Variants in SYNDIG1 observed in about 807,000 individuals in gnomAD.
SYNDIG1 encodes the protein synapse differentiation-inducing gene protein 1.
Under a neutral mutation model 19.4 loss-of-function variants are expected in SYNDIG1, and 9 were observed. That is an observed-to-expected ratio of 0.46 (90% CI 0.28 to 0.81). The LOEUF (loss-of-function observed/expected upper bound fraction) is 0.81. Ranked by LOEUF, SYNDIG1 falls within the 30% of genes least tolerant of loss-of-function variation. The pLI, the probability that SYNDIG1 is intolerant of heterozygous loss-of-function variation, is 0.12. For missense variants in SYNDIG1, 311 were observed against 343.3 expected, an observed-to-expected ratio of 0.91 and a Z score of 0.74; for synonymous variants, 141 against 145.9, an observed-to-expected ratio of 0.97 and a Z score of 0.24.
intron 3 of SYNDIG1, among the ~76,000 whole-genome samples, chr20:24,593,437 G>T (rs1197064465): frequency 6.6e-6 from 1 of 151,186 alleles, no homozygotes; most frequent in Non-Finnish European, 1.5e-5. Flanking sequence ...TCTTTATCCA[G>T]TCTACCATTG....
chr20:24,594,703 G>A (rs1294595148), intron 3 of SYNDIG1, among the ~76,000 whole-genome samples: 3 of 152,064 alleles, frequency 2.0e-5, no homozygotes, highest in Non-Finnish European at 2.9e-5. Context: ...TGATTTCTTC[G>A]AGCAGCATTT....
intron 2 of SYNDIG1, among the ~76,000 whole-genome samples, chr20:24,546,174 A>G (rs1055281084): frequency 6.6e-6 from 1 of 152,226 alleles, no homozygotes; most frequent in African/African-American, 2.4e-5. Flanking sequence ...TTCTTACAGT[A>G]TAGCTATGGT....
intron 2 of SYNDIG1, among the ~76,000 whole-genome samples, chr20:24,578,438 T>C (rs1323891392): frequency 9.7e-6 from 1 of 103,270 alleles, no homozygotes; most frequent in South Asian, 3.0e-4. Flanking sequence ...CGAGACTCTG[T>C]ATCAAAAAAA....
rs564751206 is a variant in SYNDIG1 at position 24,513,345 on chromosome 20, C to A, written c.-78-29675C>A. On this transcript the variant is annotated intron_variant, in intron 1 of 3. Transcript: ENST00000376862. ...CTTCTCCAAGCTAAATGAGGAAGGT[C>A]GAACCCAATGCGAAGAAGCTAAAAA... Among the ~76,000 whole-genome samples, 8 of 152,248 alleles carry A rather than the reference C, an allele frequency of 5.3e-5. No homozygotes were observed. In the South Asian group the frequency reaches 1.7e-3, roughly 32 times the overall value.
intron 1 of SYNDIG1, among the ~76,000 whole-genome samples, chr20:24,536,131 C>T (rs982536071): frequency 1.3e-5 from 2 of 152,142 alleles, no homozygotes; most frequent in Non-Finnish European, 2.9e-5. Context: ...AGTGCAGCCG[C>T]GATGACTTGT....
At chr20:24,566,521 C>T (rs765042534) in intron 2 of SYNDIG1, among the ~76,000 whole-genome samples, 11 of 152,168 alleles carry the variant, frequency 7.2e-5, no homozygotes, top group African/African-American at 2.2e-4. Flanking sequence ...TGGTGTACAC[C>T]GTGGTCTTAA....
intron 1 of SYNDIG1, among the ~76,000 whole-genome samples, chr20:24,518,706 A>C (rs751340977): frequency 6.6e-6 from 1 of 152,200 alleles, no homozygotes; most frequent in Non-Finnish European, 1.5e-5. Context: ...TTGATTCACA[A>C]GGGCCCTAAG....
chr20:24,552,091 A>C (rs1264222018), intron 2 of SYNDIG1, among the ~76,000 whole-genome samples: 1 of 152,058 alleles, frequency 6.6e-6, no homozygotes, highest in East Asian at 1.9e-4. Context: ...GGAATTGTCT[A>C]TTTCTTTCTT....
intron 3 of SYNDIG1, among the ~76,000 whole-genome samples, chr20:24,657,327 A>G (rs2059536482): frequency 6.6e-6 from 1 of 152,184 alleles, no homozygotes; most frequent in Non-Finnish European, 1.5e-5. Context: ...ATTGAGATCC[A>G]CAGAAGGGGC....
In SYNDIG1 at chr20:24,631,329, C is replaced by T. The variant is rs548066465; in HGVS notation, c.619-34017C>T. The stretch of plus-strand genomic sequence containing the variant: ...GACTCCTGCGGCGGGCATTGCCATG[C>T]GTCAGGGTGAGCTCCGGGGCAGGTG... On this transcript the variant is annotated intron_variant, in intron 3 of 3. Coordinates refer to ENST00000376862, the MANE Select transcript of SYNDIG1 (RefSeq NM_024893.3). 2.0e-5 allele frequency among the ~76,000 whole-genome samples: 3 copies of T among 152,278 alleles called. No individual in the cohort carries two copies. In the South Asian group the frequency reaches 6.2e-4, roughly 32 times the overall value.
intron 1 of SYNDIG1, among the ~76,000 whole-genome samples, chr20:24,521,246 T>C (rs1212014267): frequency 1.3e-5 from 2 of 152,244 alleles, no homozygotes; most frequent in Non-Finnish European, 2.9e-5. Flanking sequence ...TCCCACCTTC[T>C]GACTACTTCT....
chr20:24,521,242 CT>C (rs1469975551), intron 1 of SYNDIG1, among the ~76,000 whole-genome samples: 3 of 152,148 alleles, frequency 2.0e-5, no homozygotes, highest in African/African-American at 7.2e-5. Flanking sequence ...TTGTTCCCAC[CT>C]TCTGACTACT....
intron 1 of SYNDIG1, among the ~76,000 whole-genome samples, chr20:24,490,380 T>G (rs1394177799): frequency 6.6e-6 from 1 of 152,084 alleles, no homozygotes; most frequent in Non-Finnish European, 1.5e-5. Context: ...AGTTTGGAAA[T>G]GAGGAGAGGC....
intron 2 of SYNDIG1, among the ~76,000 whole-genome samples, chr20:24,559,166 A>C (rs1380116808): frequency 6.6e-6 from 1 of 152,192 alleles, no homozygotes; most frequent in Non-Finnish European, 1.5e-5. Context: ...ATCCCTAAAA[A>C]AGAATGAAAT....
chr20:24,648,751 T>G (rs1229377916), intron 3 of SYNDIG1, among the ~76,000 whole-genome samples: 2 of 152,208 alleles, frequency 1.3e-5, no homozygotes, highest in African/African-American at 4.8e-5. Flanking sequence ...CCAAGCCAAG[T>G]GCAGCAACAC....
chr20:24,556,707 A>T (rs959751571), intron 2 of SYNDIG1, among the ~76,000 whole-genome samples: 21 of 152,200 alleles, frequency 1.4e-4, no homozygotes, highest in African/African-American at 5.1e-4. Context: ...CTTTGTGGGT[A>T]ACCCGACGTT....
chr20:24,555,877 G>T (rs1228022611), intron 2 of SYNDIG1, among the ~76,000 whole-genome samples: 1 of 152,030 alleles, frequency 6.6e-6, no homozygotes, highest in African/African-American at 2.4e-5. Context: ...TTTCTGTCTC[G>T]TTGATCTGTC....
intron 2 of SYNDIG1, among the ~76,000 whole-genome samples, chr20:24,550,123 T>C (rs967690842): frequency 3.3e-5 from 5 of 152,168 alleles, no homozygotes. Context: ...ATATCCAGGC[T>C]TGAGGATGGG....
intron 2 of SYNDIG1, among the ~76,000 whole-genome samples, chr20:24,582,227 A>G: frequency 1.3e-5 from 1 of 76,384 alleles, no homozygotes; most frequent in African/African-American, 5.4e-5. Context: ...CCCACTTTAT[A>G]TCCTCCCCAC....
Sources: allele counts gnomAD v4.1 joint callset (sites outside exome capture counted in the v4.1 genomes callset), GRCh38; gene constraint gnomAD v4.1.1; transcripts MANE v1.5; gene names NCBI Gene and HGNC (gene_info 2026-07-23, HGNC 2026-07-21).